GALNTL6: variants seen among roughly 807,000 people sequenced by gnomAD.
GALNTL6 encodes the protein polypeptide N-acetylgalactosaminyltransferase-like 6.
In GALNTL6, 46 loss-of-function variants were observed where a neutral mutation model predicts 73.7. The ratio of observed to expected loss-of-function variants is 0.62; its 90% CI spans 0.49 to 0.80. The LOEUF is 0.80. Ranked by LOEUF, GALNTL6 falls within the 30% of genes least tolerant of loss-of-function variation. GALNTL6 has a pLI of 0.00. For synonymous variants in GALNTL6, 259 were observed against 263.7 expected (o/e 0.98, Z 0.17); for missense variants, 604 against 755.0 (o/e 0.80, Z 2.34).
intron 7 of GALNTL6, among the ~76,000 whole-genome samples, chr4:172,856,146 G>T (rs947711832): frequency 2.0e-5 from 3 of 152,112 alleles, no homozygotes; most frequent in African/African-American, 7.2e-5. Context: ...CAACGTAGTT[G>T]GTCCTTCTTG....
chr4:172,204,166 T>C (rs941617349), intron 2 of GALNTL6, among the ~76,000 whole-genome samples: 2 of 152,182 alleles, frequency 1.3e-5, no homozygotes, highest in African/African-American at 4.8e-5. Flanking sequence ...CTAGGTTGTT[T>C]GCTATATATA....
chr4:172,900,662 G>T (rs1011029631), intron 8 of GALNTL6, among the ~76,000 whole-genome samples: 1 of 152,088 alleles, frequency 6.6e-6, no homozygotes, highest in Non-Finnish European at 1.5e-5. Context: ...AAAAAAAATG[G>T]CATTGCTGTA....
intron 5 of GALNTL6, among the ~76,000 whole-genome samples, chr4:172,369,694 T>C (rs1742713225): frequency 6.6e-6 from 1 of 152,150 alleles, no homozygotes. Context: ...TGGTGCACCC[T>C]CTGCAGATGC....
chr4:171,856,168 T>A (rs1419466961), intron 2 of GALNTL6, among the ~76,000 whole-genome samples: 1 of 152,130 alleles, frequency 6.6e-6, no homozygotes, highest in Non-Finnish European at 1.5e-5. Context: ...AGTGGCGAGA[T>A]CTTGGCTCAC....
At chr4:172,951,400 C>A (rs1256298452) in intron 9 of GALNTL6, among the ~76,000 whole-genome samples, 1 of 152,254 alleles carries the variant, frequency 6.6e-6, no homozygotes, top group Non-Finnish European at 1.5e-5. Context: ...CCACCACCAA[C>A]CTTCTGCTTC....
chr4:172,425,122 G>A (rs1455161292), intron 5 of GALNTL6, among the ~76,000 whole-genome samples: 1 of 152,042 alleles, frequency 6.6e-6, no homozygotes, highest in Admixed American at 6.6e-5. Flanking sequence ...TTGAAATAAT[G>A]AGTACTACAG....
At chr4:172,989,475 G>A (rs1579749904) in intron 10 of GALNTL6, among the ~76,000 whole-genome samples, 1 of 152,170 alleles carries the variant, frequency 6.6e-6, no homozygotes, top group Non-Finnish European at 1.5e-5. Flanking sequence ...GGGGAAGAAT[G>A]ATATGGTTTG....
At chr4:172,965,278 T>C (rs1750270874) in intron 10 of GALNTL6, among the ~76,000 whole-genome samples, 1 of 152,134 alleles carries the variant, frequency 6.6e-6, no homozygotes, top group South Asian at 2.1e-4. Flanking sequence ...AAGACAAACC[T>C]AAAGTGTCCT....
intron 8 of GALNTL6, among the ~76,000 whole-genome samples, chr4:172,905,347 T>C (rs1746826983): frequency 6.6e-6 from 1 of 152,186 alleles, no homozygotes; most frequent in Non-Finnish European, 1.5e-5. Context: ...AAAGGAAATA[T>C]AGCTTCTTCC....
chr4:172,387,305 G>C (rs551743948), intron 5 of GALNTL6, among the ~76,000 whole-genome samples: 38 of 152,164 alleles, frequency 2.5e-4, no homozygotes, highest in African/African-American at 8.7e-4. Context: ...TCAGCCTAAG[G>C]TTTCTTTCTT....
At chr4:171,908,956 G>C (rs1737386675) in intron 2 of GALNTL6, among the ~76,000 whole-genome samples, 2 of 137,964 alleles carry the variant, frequency 1.4e-5, no homozygotes, top group Non-Finnish European at 3.1e-5. Context: ...AGAACACATG[G>C]ACACAGGAAG....
At chr4:173,012,467 T>A (rs953843581) in intron 11 of GALNTL6, among the ~76,000 whole-genome samples, 1 of 152,202 alleles carries the variant, frequency 6.6e-6, no homozygotes, top group Non-Finnish European at 1.5e-5. Flanking sequence ...GCCTCTCCCC[T>A]AACCACTGAT....
chr4:172,225,837 C>T (rs1736845447), intron 2 of GALNTL6, among the ~76,000 whole-genome samples: 1 of 151,942 alleles, frequency 6.6e-6, no homozygotes. Flanking sequence ...AATGCTGATG[C>T]TGCTGGTCTA....
At chr4:172,668,962 A>G (rs889845650) in intron 5 of GALNTL6, 1 of 152,106 alleles carries the variant, frequency 6.6e-6, no homozygotes, top group African/African-American at 2.4e-5. Context: ...AAACTCTAGA[A>G]CCTGGGAAAT....
intron 5 of GALNTL6, among the ~76,000 whole-genome samples, chr4:172,356,765 T>C (rs528290145): frequency 6.5e-4 from 99 of 152,326 alleles, no homozygotes; most frequent in African/African-American, 2.2e-3. Context: ...CTGATAAAGA[T>C]GAAGTCCTAA....
At chr4:172,754,806 G>A (rs571011880) in intron 5 of GALNTL6, among the ~76,000 whole-genome samples, 2 of 146,148 alleles carry the variant, frequency 1.4e-5, no homozygotes, top group South Asian at 4.3e-4. Context: ...TTCCATAGTA[G>A]CATCCACAAC....
At chr4:171,928,540 G>T (rs554168734) in intron 2 of GALNTL6, among the ~76,000 whole-genome samples, 4 of 152,292 alleles carry the variant, frequency 2.6e-5, no homozygotes, top group South Asian at 4.1e-4. Context: ...CATTGCTTAT[G>T]TATGACAACT....
At chr4:171,925,188 T>G (rs904277825) in intron 2 of GALNTL6, among the ~76,000 whole-genome samples, 2 of 152,106 alleles carry the variant, frequency 1.3e-5, no homozygotes, top group African/African-American at 2.4e-5. Flanking sequence ...AAGCCAGGAA[T>G]CAGGTACTGG....
chr4:171,878,624 T>A (rs1187485337), intron 2 of GALNTL6, among the ~76,000 whole-genome samples: 1 of 152,140 alleles, frequency 6.6e-6, no homozygotes, highest in East Asian at 1.9e-4. Flanking sequence ...TATAAAAGCA[T>A]TTTTTTATTG....
Sources: gnomAD v4.1 joint callset for allele counts (sites outside exome capture counted in the v4.1 genomes callset) on GRCh38, gnomAD v4.1.1 for gene constraint, MANE v1.5 for transcripts, NCBI Gene and HGNC (gene_info 2026-07-23, HGNC 2026-07-21) for gene names.